Variants in FOXN3 observed in about 807,000 individuals in gnomAD.
FOXN3 encodes the protein forkhead box protein N3.
Under a neutral mutation model 38.4 loss-of-function variants are expected in FOXN3, and 7 were observed. The observed-to-expected ratio is 0.18, with a 90% CI of 0.10 to 0.34. The LOEUF (loss-of-function observed/expected upper bound fraction) is 0.34, where lower values mean the gene tolerates loss of function less well. FOXN3 is among the 10% of genes least tolerant of loss of function. The pLI, the probability that FOXN3 is intolerant of heterozygous loss-of-function variation, is 1.00. For synonymous variants in FOXN3, 230 were observed against 242.2 expected, an observed-to-expected ratio of 0.95 and a Z score of 0.47; for missense variants, 456 against 613.4, an observed-to-expected ratio of 0.74 and a Z score of 2.71.
intron 3 of FOXN3, among the ~76,000 whole-genome samples, chr14:89,327,705 C>T (rs1888121092): frequency 6.6e-6 from 1 of 152,170 alleles, no homozygotes; most frequent in Admixed American, 6.5e-5. Context: ...ACCAGAGTTG[C>T]CCAAGTCTCC....
At chr14:89,339,482 C>T (rs1256708759) in intron 3 of FOXN3, among the ~76,000 whole-genome samples, 1 of 152,180 alleles carries the variant, frequency 6.6e-6, no homozygotes, top group East Asian at 1.9e-4. Flanking sequence ...GGAGACCCTC[C>T]AGTCCCCGTC....
intron 1 of FOXN3, among the ~76,000 whole-genome samples, chr14:89,490,961 G>A (rs1475085158): frequency 6.6e-6 from 1 of 152,116 alleles, no homozygotes; most frequent in Non-Finnish European, 1.5e-5. Context: ...TAGTTAAGGA[G>A]ATACACTCCT....
At chr14:89,372,807 C>T (rs544664188) in intron 2 of FOXN3, among the ~76,000 whole-genome samples, 2 of 152,052 alleles carry the variant, frequency 1.3e-5, no homozygotes, top group African/African-American at 4.8e-5. Context: ...ACTCTTTAAT[C>T]GCTGAGGGAA....
intron 2 of FOXN3, among the ~76,000 whole-genome samples, chr14:89,392,430 T>C (rs1890973521): frequency 6.6e-6 from 1 of 152,192 alleles, no homozygotes; most frequent in Non-Finnish European, 1.5e-5. Flanking sequence ...TAGAAATGTA[T>C]TTCCTCACTG....
Position 89,412,844 on chromosome 14 carries a change from C to T in FOXN3, c.-14-354G>A, listed in dbSNP as rs1057230504. Among the ~76,000 whole-genome samples the T allele has an allele frequency of 6.6e-6, 1 of 151,986 alleles. No individual in the cohort carries two copies. The highest frequency in any genetic ancestry group is 1.5e-5 in the Non-Finnish European group (1 of 67,978). On this transcript the variant is annotated intron_variant, in intron 1 of 5. Coordinates refer to ENST00000557258, the MANE Select transcript of FOXN3 (RefSeq NM_005197.4). This position sits in a 1 kb window ranked among gnomAD's most constrained non-coding sequence, Gnocchi z 4.7. ...AGACCAGGAGACCAGTTTTAAAGTACGTTAAATTTTACTGTGAATTATTTT... is the reference window on the plus strand; with the variant it reads ...AGACCAGGAGACCAGTTTTAAAGTATGTTAAATTTTACTGTGAATTATTTT...
chr14:89,532,443 A>G (rs955310800), intron 1 of FOXN3, among the ~76,000 whole-genome samples: 5 of 152,236 alleles, frequency 3.3e-5, no homozygotes, highest in African/African-American at 9.6e-5. Flanking sequence ...CCATTTTCTC[A>G]TGTTTATAAT....
At position 89,339,881 on chromosome 14, in the gene FOXN3, C is replaced by T. The variant is rs146819227; in HGVS notation, c.680+10791G>A. ...CAGGCCAGAACCCCCACCTCCCACG[C>T]GGGACTCTGCTGGGAAGCTTGAAAT... On this transcript the variant is annotated intron_variant, in intron 3 of 5. Transcript: ENST00000557258. 3.9e-5 allele frequency among the ~76,000 whole-genome samples: 6 copies of T among 152,274 alleles called. No individual in the cohort carries two copies. In the East Asian group the frequency reaches 5.8e-4, roughly 15 times the overall value.
intron 3 of FOXN3, among the ~76,000 whole-genome samples, chr14:89,332,798 A>G (rs1888288422): frequency 6.6e-6 from 1 of 152,236 alleles, no homozygotes; most frequent in Non-Finnish European, 1.5e-5. Flanking sequence ...CTTGCAAAGC[A>G]CATATCCAAT....
chr14:89,348,866 C>T (rs1056209109), intron 3 of FOXN3, among the ~76,000 whole-genome samples: 2 of 152,176 alleles, frequency 1.3e-5, no homozygotes, highest in Admixed American at 6.5e-5. Context: ...ACCCCCAGAG[C>T]TCCTCTATAA....
chr14:89,218,630 A>G (rs1245753567), intron 4 of FOXN3, among the ~76,000 whole-genome samples: 1 of 152,194 alleles, frequency 6.6e-6, no homozygotes. Context: ...GCTGAAATTC[A>G]ATCTATTTCA....
intron 1 of FOXN3, among the ~76,000 whole-genome samples, chr14:89,483,773 C>T (rs939948719): frequency 1.3e-5 from 2 of 152,134 alleles, no homozygotes; most frequent in Admixed American, 1.3e-4. Context: ...AAGATTAGAA[C>T]CCACATCTTT....
intron 3 of FOXN3, among the ~76,000 whole-genome samples, chr14:89,333,758 A>C (rs1030226132): frequency 8.8e-5 from 10 of 113,360 alleles, no homozygotes; most frequent in South Asian, 6.9e-4. Context: ...TTAAAAAAAA[A>C]AAAAAAAAAA....
chr14:89,157,669 G>A lies in FOXN3; in HGVS notation c.*4745C>T, dbSNP rs1887011582. The A allele has an allele frequency of 6.6e-6, 1 of 152,612 alleles. No homozygotes were observed. The highest frequency in any genetic ancestry group is 2.4e-5 in the African/African-American group (1 of 41,440). The allele number at this position is 152,612 out of a possible 1,614,324, so 9.5% of individuals were successfully genotyped here. ...TTAACTGCAATATAAACCAAGTCCA[G>A]AGTTTGGCAGGTAACTAAAAGAGGG... On this transcript the variant is annotated 3_prime_UTR_variant, in exon 6 of 6. Coordinates refer to ENST00000557258, the MANE Select transcript of FOXN3 (RefSeq NM_005197.4).
Position 89,156,648 on chromosome 14 carries a change from T to C in FOXN3, c.*5766A>G, listed in dbSNP as rs1349596729. The C allele has an allele frequency of 1.3e-5, 2 of 151,954 alleles. No homozygotes were observed. Among genetic ancestry groups the C allele is most frequent in the South Asian group, 2.1e-4 (1 of 4,802 alleles). 9.4% of individuals were successfully genotyped at this position (151,954 alleles called of 1,614,324 possible). On this transcript the variant is annotated 3_prime_UTR_variant, in exon 6 of 6. Coordinates refer to ENST00000557258, the MANE Select transcript of FOXN3 (RefSeq NM_005197.4). ...ATTGCTTTATCACTTTTTTTTTTTT[T>C]CTGTAAAACAAAACAAAACTCAGAA...
chr14:89,342,869 T>G (rs1390182238), intron 3 of FOXN3, among the ~76,000 whole-genome samples: 1 of 152,218 alleles, frequency 6.6e-6, no homozygotes, highest in Non-Finnish European at 1.5e-5. Context: ...ATAAGTGTAT[T>G]GAATATGAGG....
intron 3 of FOXN3, among the ~76,000 whole-genome samples, chr14:89,346,411 CTT>C (rs1888760356): frequency 6.6e-6 from 1 of 152,192 alleles, no homozygotes; most frequent in South Asian, 2.1e-4. Flanking sequence ...GATTCTAAGA[CTT>C]TCCCTGTTTC....
intron 4 of FOXN3, chr14:89,190,260 C>G: frequency 1.4e-6 from 1 of 690,582 alleles, no homozygotes; most frequent in Non-Finnish European, 2.5e-6. Context: ...ACTTATGTAG[C>G]TTTTAAAGTG....
chr14:89,521,380 G>GAGAGAC (rs949489041), intron 1 of FOXN3, among the ~76,000 whole-genome samples: 1 of 151,744 alleles, frequency 6.6e-6, no homozygotes, highest in Non-Finnish European at 1.5e-5. Flanking sequence ...GAGAGAGAGA[G>GAGAGAC]AGAGACAGAT....
At chr14:89,529,548 A>G (rs190115823) in intron 1 of FOXN3, among the ~76,000 whole-genome samples, 2 of 152,362 alleles carry the variant, frequency 1.3e-5, no homozygotes, top group East Asian at 1.9e-4. Context: ...AGTATTAGAC[A>G]CTACTTTCCT....
Sources: gnomAD v4.1 joint callset for allele counts (sites outside exome capture counted in the v4.1 genomes callset) on GRCh38, gnomAD v4.1.1 for gene constraint, Gnocchi (gnomAD v3.1) non-coding constraint, MANE v1.5 for transcripts, NCBI Gene and HGNC (gene_info 2026-07-23, HGNC 2026-07-21) for gene names.